The following DACH1 variants were observed in gnomAD, a reference collection of about 807,000 sequenced individuals.
DACH1 encodes the protein dachshund homolog 1.
In DACH1, 12 loss-of-function variants were observed where a neutral mutation model predicts 54.2. That is an observed-to-expected ratio of 0.22 (90% CI 0.14 to 0.36). DACH1 has a LOEUF of 0.36. DACH1 is among the 10% of genes least tolerant of loss of function. The pLI, the probability that DACH1 is intolerant of heterozygous loss-of-function variation, is 1.00. For synonymous variants in DACH1, 386 were observed against 366.2 expected (o/e 1.05, Z -0.62); for missense variants, 805 against 929.8 (o/e 0.87, Z 1.75).
At chr13:71,619,265 A>C (rs1186088854) in intron 3 of DACH1, among the ~76,000 whole-genome samples, 1 of 151,970 alleles carries the variant, frequency 6.6e-6, no homozygotes, top group Non-Finnish European at 1.5e-5. Flanking sequence ...ATGTATGTGT[A>C]ACAAACACAT....
rs1481817736 is a variant in DACH1, at chr13:71,681,775, T to A, written c.964+20A>T. The A allele has an allele frequency of 6.3e-7, 1 of 1,583,590 alleles. No homozygotes were observed. The highest frequency in any genetic ancestry group is 1.7e-5 in the Admixed American group (1 of 59,026). On this transcript the variant is annotated intron_variant, in intron 2 of 10. Coordinates refer to ENST00000613252, the MANE Select transcript of DACH1 (RefSeq NM_080759.6). ...GGCTGATTTTTAATATTTTTTGGCATAAGTGAGTAGCAGTCTTACCTGTTG... is the reference window on the plus strand; with the variant it reads ...GGCTGATTTTTAATATTTTTTGGCAAAAGTGAGTAGCAGTCTTACCTGTTG...
intron 3 of DACH1, among the ~76,000 whole-genome samples, chr13:71,627,335 C>CA (rs1221837020): frequency 0.17 from 11,596 of 69,976 alleles, 906 homozygotes; most frequent in African/African-American, 0.31. Context: ...AACGCTCTTA[C>CA]AAAAAAAAAA....
chr13:71,510,757 T>C (rs1454498559), intron 6 of DACH1, among the ~76,000 whole-genome samples: 1 of 152,014 alleles, frequency 6.6e-6, no homozygotes, highest in Non-Finnish European at 1.5e-5. Flanking sequence ...TACACAGCAA[T>C]GTTTTATCTC....
intron 1 of DACH1, among the ~76,000 whole-genome samples, chr13:71,856,274 C>T (rs1278640602): frequency 6.6e-6 from 1 of 151,638 alleles, no homozygotes; most frequent in Non-Finnish European, 1.5e-5. Context: ...AGTTTCTGTC[C>T]CTGGGGGTCT....
At chr13:71,456,458 G>T (rs1875571617) in intron 10 of DACH1, among the ~76,000 whole-genome samples, 1 of 151,914 alleles carries the variant, frequency 6.6e-6, no homozygotes, top group South Asian at 2.1e-4. Context: ...TCACCATGTA[G>T]ATCATTATAT....
At chr13:71,576,694 C>T (rs900343356) in intron 3 of DACH1, among the ~76,000 whole-genome samples, 1 of 152,098 alleles carries the variant, frequency 6.6e-6, no homozygotes, top group Non-Finnish European at 1.5e-5. Flanking sequence ...AAAGCTTTGT[C>T]AAGGTTCCCT....
intron 1 of DACH1, among the ~76,000 whole-genome samples, chr13:71,841,358 G>A (rs1453663832): frequency 1.3e-5 from 2 of 151,974 alleles, no homozygotes; most frequent in East Asian, 3.9e-4. Context: ...ACAGGGAAGG[G>A]AGAGCGGGGA....
intron 5 of DACH1, among the ~76,000 whole-genome samples, chr13:71,558,569 T>C (rs1020872793): frequency 1.3e-5 from 2 of 151,966 alleles, no homozygotes; most frequent in Non-Finnish European, 2.9e-5. Flanking sequence ...CCAATGACAA[T>C]ATCTTATAAT....
chr13:71,852,604 T>A (rs961114846), intron 1 of DACH1, among the ~76,000 whole-genome samples: 7 of 152,212 alleles, frequency 4.6e-5, no homozygotes, highest in Non-Finnish European at 1.0e-4. Context: ...TTACATTGTT[T>A]GGAGCAAAGG....
At chr13:71,540,576 A>G (rs1295868750) in intron 6 of DACH1, among the ~76,000 whole-genome samples, 1 of 152,120 alleles carries the variant, frequency 6.6e-6, no homozygotes, top group Non-Finnish European at 1.5e-5. Context: ...ATATATCACC[A>G]TAACTATCAT....
rs201658642 is a variant in DACH1 at position 71,600,941 on chromosome 13, AT to A, written c.1127-27930del. Among the ~76,000 whole-genome samples the A allele has an allele frequency of 1.5e-3, 213 of 146,622 alleles. 1 individual carries two copies. The highest frequency in any genetic ancestry group is 0.01 in the East Asian group (53 of 5,056). Reference sequence around the variant, plus strand: ...TTGTTGGTTCGGTGTAACTCCAGTTATTTTTTTTTTTAATCTCTCCAGAAGA... The same window carrying A: ...TTGTTGGTTCGGTGTAACTCCAGTTATTTTTTTTTTAATCTCTCCAGAAGA... On this transcript the variant is annotated intron_variant, in intron 3 of 10. Transcript: ENST00000613252.
rs184354187 is a variant in DACH1, at chr13:71,622,514, G to A, written c.1126+8042C>T. 2.8e-3 allele frequency among the ~76,000 whole-genome samples: 431 copies of A among 151,850 alleles called. 3 individuals are homozygous for A. Among genetic ancestry groups the A allele is most frequent in the Non-Finnish European group, 4.8e-3 (324 of 67,824 alleles). ...CATATTAATGAAGAAAAAAAGAATT[G>A]TCTGATCTTAAACAAATTGAATATG... is the stretch of plus-strand genomic sequence containing the variant. On this transcript the variant is annotated intron_variant, in intron 3 of 10. Coordinates refer to ENST00000613252, the MANE Select transcript of DACH1 (RefSeq NM_080759.6).
intron 1 of DACH1, among the ~76,000 whole-genome samples, chr13:71,748,891 T>TC (rs1884763608): frequency 1.6e-4 from 17 of 105,316 alleles, no homozygotes; most frequent in African/African-American, 2.5e-4. Flanking sequence ...TCTTTCTTTC[T>TC]TTCTTTCTCT....
chr13:71,516,426 C>G (rs549782483), intron 6 of DACH1, among the ~76,000 whole-genome samples: 161 of 151,738 alleles, frequency 1.1e-3, no homozygotes, highest in African/African-American at 3.7e-3. Flanking sequence ...TTTAATAGGT[C>G]CTTTGGAAAA....
Position 71,698,378 on chromosome 13 carries a change from T to G in DACH1, c.849-16468A>C, listed in dbSNP as rs558247034. 2.6e-4 allele frequency among the ~76,000 whole-genome samples: 40 copies of G among 152,292 alleles called. No homozygotes were observed. In the South Asian group the frequency reaches 7.5e-3, roughly 28 times the overall value. On this transcript the variant is annotated intron_variant, in intron 1 of 10. Coordinates refer to ENST00000613252, the MANE Select transcript of DACH1 (RefSeq NM_080759.6). Reference sequence around the variant, plus strand: ...AAATATCATACTTTGGCCATCACTCTGGCAAAGCTAAAACATACTGATACG... The same window carrying G: ...AAATATCATACTTTGGCCATCACTCGGGCAAAGCTAAAACATACTGATACG...
chr13:71,449,600 GT>G (rs1392466042), intron 10 of DACH1, among the ~76,000 whole-genome samples: 1 of 151,760 alleles, frequency 6.6e-6, no homozygotes, highest in African/African-American at 2.4e-5. Context: ...TAGATGATGG[GT>G]TGATGGGTGC....
At chr13:71,549,619 A>G (rs1377296915) in intron 6 of DACH1, among the ~76,000 whole-genome samples, 1 of 152,158 alleles carries the variant, frequency 6.6e-6, no homozygotes, top group Non-Finnish European at 1.5e-5. Flanking sequence ...TAATTGAGAA[A>G]CCACTGAGGT....
At chr13:71,838,304 G>A (rs1268421094) in intron 1 of DACH1, among the ~76,000 whole-genome samples, 1 of 152,118 alleles carries the variant, frequency 6.6e-6, no homozygotes, top group East Asian at 1.9e-4. Context: ...TTCATAAATG[G>A]AGAAGTTTTA....
chr13:71,486,081 A>C (rs1345580788), intron 7 of DACH1, among the ~76,000 whole-genome samples: 2 of 151,920 alleles, frequency 1.3e-5, no homozygotes, highest in Non-Finnish European at 1.5e-5. Context: ...ATAACTGACA[A>C]AAATTTAATT....
Sources: gnomAD v4.1 joint callset for allele counts (sites outside exome capture counted in the v4.1 genomes callset) on GRCh38, gnomAD v4.1.1 for gene constraint, MANE v1.5 for transcripts, NCBI Gene and HGNC (gene_info 2026-07-23, HGNC 2026-07-21) for gene names.